The following PTPRD variants were observed in gnomAD, a reference collection of about 807,000 sequenced individuals.
PTPRD encodes the protein receptor-type tyrosine-protein phosphatase delta.
In PTPRD, 34 loss-of-function variants were observed where a neutral mutation model predicts 214.5. That is an observed-to-expected ratio of 0.16 (90% CI 0.12 to 0.21). The LOEUF is 0.21. Among genes scored for constraint, PTPRD ranks in the 10% least tolerant of loss-of-function variants. The pLI is 1.00. For synonymous variants in PTPRD, 1,128 were observed against 845.7 expected, an observed-to-expected ratio of 1.33 and a Z score of -5.79; for missense variants, 2,545 against 2,398.7, an observed-to-expected ratio of 1.06 and a Z score of -1.27.
chr9:8,517,066 A>G (rs1421787273), intron 21 of PTPRD, among the ~76,000 whole-genome samples: 1 of 152,012 alleles, frequency 6.6e-6, no homozygotes, highest in Non-Finnish European at 1.5e-5. Context: ...CTACCTCCCA[A>G]AAGTGTTGGG....
At chr9:9,556,914 T>C (rs2081652644) in intron 8 of PTPRD, among the ~76,000 whole-genome samples, 2 of 152,166 alleles carry the variant, frequency 1.3e-5, no homozygotes, top group Admixed American at 1.3e-4. Context: ...TATCTTCAAT[T>C]CTACTGTAGA....
intron 3 of PTPRD, among the ~76,000 whole-genome samples, chr9:10,191,477 A>G (rs1051262253): frequency 1.3e-5 from 2 of 152,148 alleles, no homozygotes; most frequent in African/African-American, 4.8e-5. Context: ...TGTAAGGGTA[A>G]TTGAGCTCAG....
chr9:9,975,201 A>G (rs2095308931), intron 4 of PTPRD, among the ~76,000 whole-genome samples: 1 of 152,126 alleles, frequency 6.6e-6, no homozygotes, highest in Admixed American at 6.5e-5. Context: ...GACATGATGG[A>G]CTTCAGTCTT....
At chr9:9,427,745 G>A (rs1161459810) in intron 8 of PTPRD, among the ~76,000 whole-genome samples, 1 of 152,166 alleles carries the variant, frequency 6.6e-6, no homozygotes, top group African/African-American at 2.4e-5. Flanking sequence ...AGAAGAGAGT[G>A]GGGGCCACTA....
intron 2 of PTPRD, among the ~76,000 whole-genome samples, chr9:10,342,668 C>A (rs1349699418): frequency 6.6e-6 from 1 of 152,072 alleles, no homozygotes; most frequent in East Asian, 1.9e-4. Flanking sequence ...ACCTTCTATT[C>A]CATGTGGTGT....
chr9:9,935,284 T>C (rs2088754721), intron 5 of PTPRD, among the ~76,000 whole-genome samples: 1 of 152,084 alleles, frequency 6.6e-6, no homozygotes, highest in African/African-American at 2.4e-5. Flanking sequence ...GAAGTCAAAT[T>C]GTCCCTGTTT....
intron 39 of PTPRD, among the ~76,000 whole-genome samples, chr9:8,348,820 G>A (rs2074585473): frequency 1.3e-5 from 2 of 152,098 alleles, no homozygotes; most frequent in African/African-American, 4.8e-5. Context: ...CTCAACTGCT[G>A]CACCCTGAAT....
intron 14 of PTPRD, among the ~76,000 whole-genome samples, chr9:8,566,542 C>G (rs1008328604): frequency 1.3e-5 from 2 of 152,150 alleles, no homozygotes; most frequent in African/African-American, 2.4e-5. Flanking sequence ...ATAGCCATAA[C>G]TTCACCTCTG....
intron 2 of PTPRD, among the ~76,000 whole-genome samples, chr9:10,467,543 AATTT>A (rs1202351393): frequency 1.3e-5 from 2 of 152,138 alleles, no homozygotes; most frequent in African/African-American, 4.8e-5. Context: ...CATGCACACA[AATTT>A]ATTACTTACA....
chr9:8,340,213 G>T, intron 42 of PTPRD, 130 bp downstream of exon 42: 1 of 1,057,236 alleles, frequency 9.5e-7, no homozygotes, highest in Non-Finnish European at 1.3e-6. Context: ...AGGAATGATG[G>T]TCCGGATTAT....
intron 9 of PTPRD, among the ~76,000 whole-genome samples, chr9:9,305,808 C>T (rs1055744204): frequency 6.6e-6 from 1 of 152,014 alleles, no homozygotes; most frequent in Admixed American, 6.6e-5. Flanking sequence ...TTAGAAGAGG[C>T]CATGTGCCAA....
intron 11 of PTPRD, among the ~76,000 whole-genome samples, chr9:8,795,755 C>T (rs919855209): frequency 8.6e-5 from 13 of 152,032 alleles, no homozygotes; most frequent in South Asian, 2.1e-4. Flanking sequence ...AGTGGAAACG[C>T]GTAAAATTCT....
At chr9:8,591,288 T>G (rs558530933) in intron 14 of PTPRD, among the ~76,000 whole-genome samples, 1 of 152,286 alleles carries the variant, frequency 6.6e-6, no homozygotes, top group South Asian at 2.1e-4. Flanking sequence ...TAGTCGTGAT[T>G]TGGAGTGGGA....
At chr9:8,412,032 T>G (rs2093575524) in intron 35 of PTPRD, among the ~76,000 whole-genome samples, 1 of 152,214 alleles carries the variant, frequency 6.6e-6, no homozygotes, top group African/African-American at 2.4e-5. Context: ...TTGACTGAAT[T>G]GGTAAAATGT....
At chr9:8,369,963 A>C (rs1006383773) in intron 39 of PTPRD, among the ~76,000 whole-genome samples, 2 of 152,092 alleles carry the variant, frequency 1.3e-5, no homozygotes. Flanking sequence ...TCTTTATAGA[A>C]TATGTGGTTT....
chr9:8,500,941 G>C lies in PTPRD; in HGVS notation c.1941C>G (p.Ile647Met), dbSNP rs769263544. 6 of 1,614,130 alleles carry C rather than the reference G, an allele frequency of 3.7e-6. No individual in the cohort carries two copies. The highest frequency in any genetic ancestry group is 5.1e-6 in the Non-Finnish European group (6 of 1,180,018). The change falls in exon 24 of 46, where the codon ATC becomes ATG. Residue 647 changes from isoleucine (I) to methionine (M), a missense_variant. By Grantham distance (10) the Ile-to-Met change is conservative (BLOSUM62 1). Transcript: ENST00000381196. ...KQNGIITEYS[I>M]KYTAVDGEDD... ...CTTCCCCATCCACTGCAGTGTACTT[G>C]ATGGAGTATTCAGTGATAATGCCAT...
intron 7 of PTPRD, among the ~76,000 whole-genome samples, chr9:9,671,877 T>C (rs968288522): frequency 3.3e-5 from 5 of 152,134 alleles, no homozygotes; most frequent in South Asian, 2.1e-4. Context: ...AATGGACTAA[T>C]ACAGGGGAAG....
intron 3 of PTPRD, among the ~76,000 whole-genome samples, chr9:10,167,579 T>C (rs1464318968): frequency 6.6e-6 from 1 of 152,182 alleles, no homozygotes; most frequent in Non-Finnish European, 1.5e-5. Flanking sequence ...TATGCATACA[T>C]ATATGGAATA....
At chr9:10,518,550 T>G (rs1042369790) in intron 2 of PTPRD, among the ~76,000 whole-genome samples, 1 of 151,070 alleles carries the variant, frequency 6.6e-6, no homozygotes, top group African/African-American at 2.4e-5. Flanking sequence ...TTTTTTTTTT[T>G]GAGACGGAGT....
Sources: gnomAD v4.1 joint callset for allele counts (sites outside exome capture counted in the v4.1 genomes callset) on GRCh38, gnomAD v4.1.1 for gene constraint, MANE v1.5 for transcripts, NCBI Gene and HGNC (gene_info 2026-07-23, HGNC 2026-07-21) for gene names.